SCAPER: variants seen among roughly 807,000 people sequenced by gnomAD.
The protein encoded by SCAPER is S-phase cyclin A associated protein in the ER.
SCAPER carries 98 observed loss-of-function variants against 182.2 expected under a neutral mutation model. The ratio of observed to expected loss-of-function variants is 0.54; its 90% CI spans 0.46 to 0.64. The LOEUF is 0.64. SCAPER is among the 30% of genes least tolerant of loss of function. The pLI, the probability that SCAPER is intolerant of heterozygous loss-of-function variation, is 0.00. For missense variants in SCAPER, 1,432 were observed against 1,690.0 expected, an observed-to-expected ratio of 0.85 and a Z score of 2.68; for synonymous variants, 605 against 564.6, an observed-to-expected ratio of 1.07 and a Z score of -1.01.
At chr15:76,574,409 G>A in intron 22 of SCAPER, 125 bp from the exon 23 acceptor site, 2 of 1,084,044 alleles carry the variant, frequency 1.8e-6, no homozygotes, top group Non-Finnish European at 2.6e-6. Flanking sequence ...CAGAGCATCT[G>A]AGGGGAGAAA....
chr15:76,870,231 A>G (rs2072609333), intron 2 of SCAPER, among the ~76,000 whole-genome samples: 1 of 152,226 alleles, frequency 6.6e-6, no homozygotes, highest in South Asian at 2.1e-4. Flanking sequence ...GCTTTTCAAA[A>G]TAGCTAGAAA....
chr15:76,605,767 G>A lies in SCAPER; in HGVS notation c.2711+15997C>T, dbSNP rs140020805. On this transcript the variant is annotated intron_variant, in intron 22 of 31. Transcript: ENST00000563290. ...TTAGTCTTGGGAGGATGTATGTGTCGATGAATTTATCCATTTCTTCTAGAT... is the reference window on the plus strand; with the variant it reads ...TTAGTCTTGGGAGGATGTATGTGTCAATGAATTTATCCATTTCTTCTAGAT... 9.7e-4 allele frequency among the ~76,000 whole-genome samples: 148 copies of A among 152,228 alleles called. 1 individual carries two copies. The East Asian group carries it at 0.024, about 25-fold the overall frequency.
chr15:76,766,813 A>C (rs2151288548), intron 11 of SCAPER, 105 bp downstream of exon 11: 2 of 866,616 alleles, frequency 2.3e-6, no homozygotes, highest in East Asian at 5.5e-5. Flanking sequence ...TTTTAAATAA[A>C]TAATTCTAAA....
chr15:76,664,223 AG>A (rs771363548), intron 21 of SCAPER, among the ~76,000 whole-genome samples: 33 of 152,318 alleles, frequency 2.2e-4, no homozygotes, highest in Non-Finnish European at 1.8e-4. Flanking sequence ...ATACAAGGGC[AG>A]AAACAAGACT....
At chr15:76,772,224 T>C (rs2063511053) in intron 9 of SCAPER, among the ~76,000 whole-genome samples, 1 of 152,074 alleles carries the variant, frequency 6.6e-6, no homozygotes, top group Admixed American at 6.6e-5. Context: ...GTAATTTTCT[T>C]GTAGTAGGCC....
chr15:76,815,721 C>T (rs1274622616), intron 5 of SCAPER, among the ~76,000 whole-genome samples: 1 of 152,096 alleles, frequency 6.6e-6, no homozygotes, highest in Non-Finnish European at 1.5e-5. Context: ...GTGAGCGGCA[C>T]ATGTGAAGGA....
At chr15:76,359,944 T>C (rs1435433149) in intron 29 of SCAPER, among the ~76,000 whole-genome samples, 1 of 152,178 alleles carries the variant, frequency 6.6e-6, no homozygotes, top group Non-Finnish European at 1.5e-5. Context: ...CCACATCTTG[T>C]CTCATGAAAT....
At chr15:76,699,394 T>C (rs1051800509) in intron 20 of SCAPER, among the ~76,000 whole-genome samples, 1 of 152,178 alleles carries the variant, frequency 6.6e-6, no homozygotes, top group Admixed American at 6.5e-5. Flanking sequence ...ATGTTGGCTG[T>C]GGGGTTGTCA....
chr15:76,463,400 G>T (rs991391046), intron 25 of SCAPER, among the ~76,000 whole-genome samples: 1 of 152,134 alleles, frequency 6.6e-6, no homozygotes, highest in Admixed American at 6.6e-5. Context: ...TCCCCTTGCT[G>T]TAAGGTTGCA....
At chr15:76,609,591 T>C (rs577156421) in intron 22 of SCAPER, among the ~76,000 whole-genome samples, 1 of 152,356 alleles carries the variant, frequency 6.6e-6, no homozygotes, top group East Asian at 1.9e-4. Context: ...TATTCATAGT[T>C]ATTTAAATTT....
At chr15:76,462,824 A>G (rs2049296727) in intron 25 of SCAPER, among the ~76,000 whole-genome samples, 1 of 152,164 alleles carries the variant, frequency 6.6e-6, no homozygotes, top group African/African-American at 2.4e-5. Context: ...AACATCCCTT[A>G]ACTGTTCTCA....
intron 25 of SCAPER, among the ~76,000 whole-genome samples, chr15:76,468,899 A>G (rs1299961976): frequency 1.3e-5 from 2 of 152,120 alleles, no homozygotes; most frequent in African/African-American, 4.8e-5. Context: ...CACTCTTTTC[A>G]CCATCTGGGG....
chr15:76,829,734 C>T (rs1266941978), intron 5 of SCAPER, among the ~76,000 whole-genome samples: 1 of 152,134 alleles, frequency 6.6e-6, no homozygotes, highest in Non-Finnish European at 1.5e-5. Flanking sequence ...ACTATGAAGA[C>T]TAACGTCAGT....
At chr15:76,538,457 A>G (rs1001979947) in intron 23 of SCAPER, among the ~76,000 whole-genome samples, 9 of 151,930 alleles carry the variant, frequency 5.9e-5, no homozygotes, top group African/African-American at 2.2e-4. Context: ...TCAGTAAACT[A>G]TCGCAAGGAC....
At chr15:76,697,413 C>T (rs2058708365) in intron 20 of SCAPER, among the ~76,000 whole-genome samples, 3 of 152,082 alleles carry the variant, frequency 2.0e-5, no homozygotes, top group South Asian at 4.1e-4. Context: ...AATCTCAAAC[C>T]ATAATGGCTA....
chr15:76,527,890 G>A (rs2043325200), intron 23 of SCAPER, among the ~76,000 whole-genome samples: 2 of 152,080 alleles, frequency 1.3e-5, no homozygotes. Context: ...TAAACTTACT[G>A]TGTCAAGACA....
chr15:76,862,564 T>C (rs772899185), intron 2 of SCAPER, 31 bp from the exon 3 acceptor site: 1 of 1,316,454 alleles, frequency 7.6e-7, no homozygotes, highest in East Asian at 2.4e-5. Context: ...ACTTATTAGA[T>C]TATTAGATAA....
chr15:76,468,576 T>C (rs1247377151), intron 25 of SCAPER, among the ~76,000 whole-genome samples: 1 of 152,092 alleles, frequency 6.6e-6, no homozygotes. Context: ...CCATGGTTGG[T>C]ACTTAATAAA....
At chr15:76,586,481 C>G (rs560810576) in intron 22 of SCAPER, among the ~76,000 whole-genome samples, 1 of 152,176 alleles carries the variant, frequency 6.6e-6, no homozygotes, top group South Asian at 2.1e-4. Flanking sequence ...TTTCAAACCC[C>G]AAATCAGTGA....
Sources: allele counts gnomAD v4.1 joint callset (sites outside exome capture counted in the v4.1 genomes callset), GRCh38; gene constraint gnomAD v4.1.1; transcripts MANE v1.5; gene names NCBI Gene and HGNC (gene_info 2026-07-23, HGNC 2026-07-21).